The following HS6ST3 variants were observed in gnomAD, a reference collection of about 807,000 sequenced individuals.
The protein encoded by HS6ST3 is heparan-sulfate 6-O-sulfotransferase 3.
HS6ST3 carries 12 observed loss-of-function variants against 36.7 expected under a neutral mutation model. The ratio of observed to expected loss-of-function variants is 0.33; its 90% CI spans 0.21 to 0.53. The LOEUF is 0.53. Ranked by LOEUF, HS6ST3 falls within the 20% of genes least tolerant of loss-of-function variation. HS6ST3 has a pLI of 0.95. For synonymous variants in HS6ST3, 240 were observed against 257.5 expected (o/e 0.93, Z 0.65); for missense variants, 584 against 640.9 (o/e 0.91, Z 0.96).
chr13:96,306,645 C>T (rs1236490944), intron 1 of HS6ST3, among the ~76,000 whole-genome samples: 2 of 152,114 alleles, frequency 1.3e-5, no homozygotes, highest in Non-Finnish European at 2.9e-5. Context: ...CCACTGACTG[C>T]TGGGGGAAGG....
At chr13:96,274,403 G>A (rs750452603) in intron 1 of HS6ST3, among the ~76,000 whole-genome samples, 1 of 151,966 alleles carries the variant, frequency 6.6e-6, no homozygotes, top group Non-Finnish European at 1.5e-5. Flanking sequence ...CATTAGACTA[G>A]GGAGAGGATC....
At chr13:96,465,478 G>T (rs1007145621) in intron 1 of HS6ST3, among the ~76,000 whole-genome samples, 1 of 152,182 alleles carries the variant, frequency 6.6e-6, no homozygotes, top group Non-Finnish European at 1.5e-5. Flanking sequence ...ATGAAAAGAA[G>T]CAAGCCTCCA....
At chr13:96,355,402 C>CACACAA (rs1486275447) in intron 1 of HS6ST3, among the ~76,000 whole-genome samples, 1 of 138,462 alleles carries the variant, frequency 7.2e-6, no homozygotes, top group Non-Finnish European at 1.5e-5. Flanking sequence ...CACACACACA[C>CACACAA]AAACACACAA....
chr13:96,653,314 C>A (rs1344456668), intron 1 of HS6ST3, among the ~76,000 whole-genome samples: 1 of 151,988 alleles, frequency 6.6e-6, no homozygotes, highest in African/African-American at 2.4e-5. Flanking sequence ...CACTTATCAA[C>A]CCGTCATCTA....
chr13:96,164,815 A>C (rs1172124643), intron 1 of HS6ST3, among the ~76,000 whole-genome samples: 3 of 152,182 alleles, frequency 2.0e-5, no homozygotes, highest in Non-Finnish European at 4.4e-5. Context: ...AATTAGGATG[A>C]AGCTGGGCCT....
At chr13:96,487,915 A>G (rs2055923883) in intron 1 of HS6ST3, among the ~76,000 whole-genome samples, 1 of 152,282 alleles carries the variant, frequency 6.6e-6, no homozygotes, top group Non-Finnish European at 1.5e-5. Flanking sequence ...ATGTACATCT[A>G]TCATTGTGAA....
At chr13:96,565,705 G>T (rs2056278637) in intron 1 of HS6ST3, among the ~76,000 whole-genome samples, 1 of 152,040 alleles carries the variant, frequency 6.6e-6, no homozygotes, top group South Asian at 2.1e-4. Context: ...AGACTTTAAG[G>T]TTCTAAAATC....
chr13:96,593,174 CTTTTT>C (rs35380296), intron 1 of HS6ST3, among the ~76,000 whole-genome samples: 93 of 46,604 alleles, frequency 2.0e-3, no homozygotes, highest in African/African-American at 3.9e-3. Context: ...TTCTTTCTTT[CTTTTT>C]TTTTTTTTTT....
At chr13:96,121,813 T>G (rs2053926707) in intron 1 of HS6ST3, among the ~76,000 whole-genome samples, 1 of 152,152 alleles carries the variant, frequency 6.6e-6, no homozygotes, top group Admixed American at 6.5e-5. Context: ...ATCCCAATCT[T>G]GAAGAGAAAC....
At chr13:96,661,509 C>A (rs1044072702) in intron 1 of HS6ST3, among the ~76,000 whole-genome samples, 1 of 152,098 alleles carries the variant, frequency 6.6e-6, no homozygotes. Context: ...AGGTGGGTTT[C>A]TTGAAGGCAG....
chr13:96,273,159 C>T (rs2054729642), intron 1 of HS6ST3, among the ~76,000 whole-genome samples: 1 of 151,982 alleles, frequency 6.6e-6, no homozygotes, highest in Non-Finnish European at 1.5e-5. Context: ...CTTAGTGCTG[C>T]TCGCCAAATA....
intron 1 of HS6ST3, among the ~76,000 whole-genome samples, chr13:96,751,140 A>G (rs1208026814): frequency 6.6e-6 from 1 of 152,178 alleles, no homozygotes; most frequent in South Asian, 2.1e-4. Context: ...ATGCTTACTG[A>G]TGTGGCTTGA....
intron 1 of HS6ST3, among the ~76,000 whole-genome samples, chr13:96,256,848 A>G (rs1234949043): frequency 6.6e-6 from 1 of 152,156 alleles, no homozygotes; most frequent in Non-Finnish European, 1.5e-5. Flanking sequence ...CATCCAAACC[A>G]GTATCATTTT....
chr13:96,831,954 C>CAAAAAAAAAAAAAAAAAAAAA (rs35266831), intron 1 of HS6ST3, among the ~76,000 whole-genome samples: 8 of 21,854 alleles, frequency 3.7e-4, no homozygotes, highest in Non-Finnish European at 6.3e-4. Flanking sequence ...GACTCCCTCT[C>CAAAAAAAAAAAAAAAAAAAAA]AAAAAAAAAA....
At chr13:96,410,016 G>T (rs2055499221) in intron 1 of HS6ST3, among the ~76,000 whole-genome samples, 1 of 152,080 alleles carries the variant, frequency 6.6e-6, no homozygotes. Context: ...AAAATAAAAA[G>T]AAATAATAAA....
At position 96,175,174 on chromosome 13, in the gene HS6ST3, A is replaced by G. The variant is rs536056222; in HGVS notation, c.707+83605A>G. Among the ~76,000 whole-genome samples, 5 of 152,162 alleles carry G rather than the reference A, an allele frequency of 3.3e-5. No homozygotes were observed. In the East Asian group the frequency reaches 5.8e-4, roughly 18 times the overall value. ...TAATTTTCTCATAAGATACATGCCA[A>G]TGTTCTTACGTTTGTGTAAATGTCT... On this transcript the variant is annotated intron_variant, in intron 1 of 1. Transcript: ENST00000376705.
At chr13:96,624,350 C>G (rs1403708920) in intron 1 of HS6ST3, among the ~76,000 whole-genome samples, 5 of 152,150 alleles carry the variant, frequency 3.3e-5, no homozygotes, top group Admixed American at 3.3e-4. Flanking sequence ...GTTCCACATA[C>G]ATATGTAACC....
chr13:96,463,132 T>A (rs1479421872), intron 1 of HS6ST3, among the ~76,000 whole-genome samples: 4 of 152,182 alleles, frequency 2.6e-5, no homozygotes, highest in Admixed American at 2.6e-4. Context: ...CTAGACGAAC[T>A]GTTTTTTAAA....
intron 1 of HS6ST3, among the ~76,000 whole-genome samples, chr13:96,392,537 G>A (rs2055401162): frequency 6.6e-6 from 1 of 152,154 alleles, no homozygotes; most frequent in South Asian, 2.1e-4. Context: ...AGTGATGACA[G>A]CTTGAAAAAG....
Sources: gnomAD v4.1 joint callset for allele counts (sites outside exome capture counted in the v4.1 genomes callset) on GRCh38, gnomAD v4.1.1 for gene constraint, MANE v1.5 for transcripts, NCBI Gene and HGNC (gene_info 2026-07-23, HGNC 2026-07-21) for gene names.